Variants in SLC6A9 observed in about 807,000 individuals in gnomAD.
SLC6A9 encodes the protein sodium- and chloride-dependent glycine transporter 1.
SLC6A9 carries 31 observed loss-of-function variants against 70.9 expected under a neutral mutation model. That is an observed-to-expected ratio of 0.44 (90% confidence interval 0.33 to 0.59). The LOEUF (loss-of-function observed/expected upper bound fraction) is 0.59, where lower values mean the gene tolerates loss of function less well. Among genes scored for constraint, SLC6A9 ranks in the 20% least tolerant of loss-of-function variants. The pLI is 0.04. For synonymous variants in SLC6A9, 310 were observed against 341.3 expected (o/e 0.91, Z 1.01); for missense variants, 631 against 845.2 (o/e 0.75, Z 3.14).
At chr1:44,030,128 C>G (rs1251076712) in intron 1 of SLC6A9, among the ~76,000 whole-genome samples, 1 of 152,062 alleles carries the variant, frequency 6.6e-6, no homozygotes, top group Non-Finnish European at 1.5e-5. Flanking sequence ...CGGCCCGAGG[C>G]GCGGAGGCCT....
At chr1:44,028,449 A>C (rs968204922) in intron 1 of SLC6A9, among the ~76,000 whole-genome samples, 1 of 152,194 alleles carries the variant, frequency 6.6e-6, no homozygotes, top group Admixed American at 6.5e-5. Context: ...GAAGAGAGGA[A>C]GTCAATTAGA....
At chr1:43,999,813 G>A (rs147882765) in intron 12 of SLC6A9, among the ~76,000 whole-genome samples, 11 of 152,228 alleles carry the variant, frequency 7.2e-5, no homozygotes, top group South Asian at 4.2e-4. Context: ...AACACTGGCC[G>A]GGCCACTGGG....
At chr1:44,016,816 C>T (rs1159044751) in intron 2 of SLC6A9, among the ~76,000 whole-genome samples, 3 of 152,088 alleles carry the variant, frequency 2.0e-5, no homozygotes, top group Non-Finnish European at 4.4e-5. Context: ...CTGGGGGAGC[C>T]CTCACACCCC....
rs370521782 is a variant in SLC6A9 at position 44,020,804 on chromosome 1, C to T, written c.30+3444G>A. The stretch of plus-strand genomic sequence containing the variant: ...ACCCTCAGGGAAAAACATATGAGAA[C>T]GCGTCAGGGTGGGGCAGCCCCTGGC... On this transcript the variant is annotated intron_variant, in intron 2 of 13. Transcript: ENST00000372310. Among the ~76,000 whole-genome samples, 32 of 152,278 alleles carry T rather than the reference C, an allele frequency of 2.1e-4. No homozygotes were observed. In the East Asian group the frequency reaches 4.1e-3, roughly 19 times the overall value.
chr1:44,020,454 G>A (rs928433763), intron 2 of SLC6A9, among the ~76,000 whole-genome samples: 4 of 152,316 alleles, frequency 2.6e-5, no homozygotes, highest in African/African-American at 9.6e-5. Flanking sequence ...AGCTGGGTGA[G>A]CACCCACTGT....
Position 43,997,850 on chromosome 1 carries a change from C to A in SLC6A9, c.1707+5G>T. ...CCTGGCTACCCAGCCTGTCCCTGCC[C>A]TCACCTGGAGGAGGGTGTCCCCGTC... On this transcript the variant is annotated splice_donor_5th_base_variant and intron_variant, in intron 13 of 13. Coordinates refer to ENST00000372310, the MANE Select transcript of SLC6A9 (RefSeq NM_001024845.3). This position sits in a 1 kb window ranked among gnomAD's most constrained non-coding sequence, Gnocchi z 4.4. The A allele has an allele frequency of 1.2e-6, 2 of 1,605,178 alleles. No homozygotes were observed. Among genetic ancestry groups the A allele is most frequent in the South Asian group, 1.1e-5 (1 of 90,236 alleles).
chr1:44,019,524 C>T (rs58054032), intron 2 of SLC6A9, among the ~76,000 whole-genome samples: 2 of 152,220 alleles, frequency 1.3e-5, no homozygotes, highest in African/African-American at 2.4e-5. Flanking sequence ...AGGAAGGTCC[C>T]GTCACCCATG....
At chr1:44,026,425 G>A (rs1037832079) in intron 1 of SLC6A9, among the ~76,000 whole-genome samples, 2 of 152,126 alleles carry the variant, frequency 1.3e-5, no homozygotes, top group Middle Eastern at 3.2e-3. Context: ...TTGGGAGGCC[G>A]AGGCGGGCGG....
intron 5 of SLC6A9, among the ~76,000 whole-genome samples, chr1:44,003,303 G>A (rs1330871540): frequency 1.3e-5 from 2 of 152,232 alleles, no homozygotes; most frequent in Admixed American, 1.3e-4. Flanking sequence ...CCCCAGTTGG[G>A]CTCAGCCCAG....
intron 12 of SLC6A9, among the ~76,000 whole-genome samples, 194 bp downstream of exon 12, chr1:44,000,573 G>C (rs2086052661): frequency 6.6e-6 from 1 of 152,240 alleles, no homozygotes; most frequent in Admixed American, 6.5e-5. Flanking sequence ...CTGAGGCCAG[G>C]GCCCAGGCAG....
At chr1:43,998,984 G>C (rs1026359141) in intron 12 of SLC6A9, among the ~76,000 whole-genome samples, 1 of 150,062 alleles carries the variant, frequency 6.7e-6, no homozygotes, top group Non-Finnish European at 1.5e-5. Flanking sequence ...GCGGGGGAAG[G>C]GGGGGGGCAG....
chr1:44,025,093 C>T (rs770083590), intron 1 of SLC6A9, among the ~76,000 whole-genome samples: 16 of 152,176 alleles, frequency 1.1e-4, no homozygotes, highest in Middle Eastern at 3.2e-3. Context: ...CTTATAAGTT[C>T]GTCAACTATG....
In SLC6A9 at chr1:44,008,474, C is replaced by T. The variant is rs756216020; in HGVS notation, c.469G>A (p.Ala157Thr). 8 of 1,614,042 alleles carry T rather than the reference C, an allele frequency of 5.0e-6. No homozygotes were observed. In the East Asian group the frequency reaches 8.9e-5, roughly 18 times the overall value. ...AGGTTGGAGGCGTCCAGTACACCGG[C>T]GCAGTCATGCGTGTTCCAGGGGTTA... ...CNNPWNTHDC[A>T]GVLDASNLTN... Residue 157 changes from alanine to threonine, a missense_variant, in exon 5 of 14, where the codon GCC (alanine) becomes ACC (threonine). Transcript: ENST00000372310.
chr1:44,023,445 C>T (rs1028438381), intron 2 of SLC6A9, among the ~76,000 whole-genome samples: 3 of 151,954 alleles, frequency 2.0e-5, no homozygotes, highest in East Asian at 1.9e-4. Context: ...GAGTTTGAGA[C>T]CAGCCTGGCC....
intron 1 of SLC6A9, among the ~76,000 whole-genome samples, chr1:44,026,866 G>A (rs991222592): frequency 1.8e-4 from 28 of 152,126 alleles, no homozygotes; most frequent in African/African-American, 6.5e-4. Flanking sequence ...GTAAGTGCTC[G>A]AGTGAGGACT....
intron 2 of SLC6A9, chr1:44,011,869 GCTCTGCAAGTCC>G: frequency 1.4e-6 from 1 of 692,548 alleles, no homozygotes; most frequent in South Asian, 1.9e-5. Flanking sequence ...GCTGGAACTG[GCTCTGCAAGTCC>G]CTTGGTTAAA....
intron 1 of SLC6A9, 81 bp from the exon 2 acceptor site, chr1:44,024,443 C>T: frequency 1.3e-6 from 1 of 764,270 alleles, no homozygotes; most frequent in Admixed American, 2.1e-5. Context: ...CCGAGCCACC[C>T]ACCACCAGCC....
chr1:44,011,231 G>GGAA (rs2086555771), intron 2 of SLC6A9, among the ~76,000 whole-genome samples: 1 of 152,194 alleles, frequency 6.6e-6, no homozygotes. Context: ...TCTGGGTAAG[G>GGAA]ATCTGGGAGC....
rs76322622 is a variant in SLC6A9, at chr1:44,024,953, C to T, written c.-85-591G>A. Among the ~76,000 whole-genome samples the T allele has an allele frequency of 4.7e-4, 71 of 152,338 alleles. 2 individuals are homozygous for T. The East Asian group carries it at 0.014, about 29-fold the overall frequency. On this transcript the variant is annotated intron_variant, in intron 1 of 13. Transcript: ENST00000372310. ...ATTCTACAAATCTTCGGCACTGCAC[C>T]GGGCTAAATGTCACCTCTTCTCTGC...
Sources: allele counts gnomAD v4.1 joint callset (sites outside exome capture counted in the v4.1 genomes callset), GRCh38; gene constraint gnomAD v4.1.1; non-coding constraint Gnocchi (gnomAD v3.1); transcripts MANE v1.5; gene names NCBI Gene and HGNC (gene_info 2026-07-23, HGNC 2026-07-21).